Variants in FAM149B1 observed in about 807,000 individuals in gnomAD.
The protein encoded by FAM149B1 is family with sequence similarity 149 member B1, also known as primary cilium assembly protein FAM149B1.
In FAM149B1, 56 loss-of-function variants were observed where a neutral mutation model predicts 75.3. The observed-to-expected ratio is 0.74, with a 90% CI of 0.60 to 0.93. The LOEUF is 0.93. FAM149B1 is among the 40% of genes least tolerant of loss of function. FAM149B1 has a pLI of 0.00. For synonymous variants in FAM149B1, 259 were observed against 256.1 expected (o/e 1.01, Z -0.11); for missense variants, 639 against 708.4 (o/e 0.90, Z 1.11).
chr10:73,192,431 C>CA (rs1370834371), intron 3 of FAM149B1, 125 bp from the exon 4 acceptor site: 4 of 893,958 alleles, frequency 4.5e-6, no homozygotes, highest in African/African-American at 1.8e-5. Context: ...TTCGTGGAAA[C>CA]ACAGCAGTAT....
At chr10:73,233,884 T>C (rs975694129) in intron 10 of FAM149B1, among the ~76,000 whole-genome samples, 8 of 152,346 alleles carry the variant, frequency 5.3e-5, no homozygotes, top group Non-Finnish European at 7.3e-5. Context: ...GCTTATTCCA[T>C]TGACAATGAA....
At chr10:73,169,932 A>G (rs1025534166) in intron 1 of FAM149B1, among the ~76,000 whole-genome samples, 1 of 151,970 alleles carries the variant, frequency 6.6e-6, no homozygotes, top group Non-Finnish European at 1.5e-5. Context: ...GGAGCTATAT[A>G]ATTTTAGCAA....
chr10:73,178,942 A>C (rs1844090570), intron 3 of FAM149B1, among the ~76,000 whole-genome samples: 1 of 152,152 alleles, frequency 6.6e-6, no homozygotes, highest in South Asian at 2.1e-4. Context: ...TCTTGATGCA[A>C]GATGCAATAG....
chr10:73,216,529 A>G (rs1320674904), intron 7 of FAM149B1, among the ~76,000 whole-genome samples: 1 of 152,196 alleles, frequency 6.6e-6, no homozygotes. Context: ...AAACTATCAA[A>G]ATGGTGCCAG....
At chr10:73,204,640 G>A (rs559547539) in intron 5 of FAM149B1, among the ~76,000 whole-genome samples, 6 of 152,194 alleles carry the variant, frequency 3.9e-5, no homozygotes, top group African/African-American at 1.2e-4. Flanking sequence ...TAGGAAGGAA[G>A]AGAAATTTGA....
At chr10:73,176,764 T>G (rs6480678) in intron 2 of FAM149B1, among the ~76,000 whole-genome samples, 1 of 151,882 alleles carries the variant, frequency 6.6e-6, no homozygotes, top group Non-Finnish European at 1.5e-5. Context: ...CGGTGGCTCA[T>G]GCCTGTAGTC....
intron 7 of FAM149B1, among the ~76,000 whole-genome samples, chr10:73,213,652 C>T (rs2043238465): frequency 6.6e-6 from 1 of 152,046 alleles, no homozygotes; most frequent in Non-Finnish European, 1.5e-5. Flanking sequence ...GGCTTTATTT[C>T]TTGGTTTTCT....
chr10:73,228,889 G>A (rs945067904), intron 8 of FAM149B1, among the ~76,000 whole-genome samples: 3 of 151,912 alleles, frequency 2.0e-5, no homozygotes, highest in South Asian at 2.1e-4. Flanking sequence ...AGCCACCACC[G>A]CACCTGGTCC....
chr10:73,186,099 A>C (rs1015922040), intron 3 of FAM149B1, among the ~76,000 whole-genome samples: 3 of 152,078 alleles, frequency 2.0e-5, no homozygotes, highest in Admixed American at 2.0e-4. Context: ...GTGAGTAAAT[A>C]GGATTTATCC....
chr10:73,235,953 C>T (rs7912383), intron 12 of FAM149B1, among the ~76,000 whole-genome samples: 15,940 of 152,138 alleles, frequency 0.1, 1,199 homozygotes, highest in East Asian at 0.31. Context: ...TGCACTGACC[C>T]TCCCCATTTG....
intron 5 of FAM149B1, among the ~76,000 whole-genome samples, chr10:73,206,599 G>A (rs2043063567): frequency 6.6e-6 from 1 of 152,238 alleles, no homozygotes; most frequent in Non-Finnish European, 1.5e-5. Flanking sequence ...GAATGGTTCT[G>A]TGGGGCAGAC....
intron 3 of FAM149B1, among the ~76,000 whole-genome samples, chr10:73,189,132 G>A (rs2042617325): frequency 6.6e-6 from 1 of 152,144 alleles, no homozygotes; most frequent in South Asian, 2.1e-4. Context: ...CACGTAGCAT[G>A]TAGAAAGATG....
At chr10:73,228,376 A>G (rs1448247193) in intron 8 of FAM149B1, among the ~76,000 whole-genome samples, 192 bp downstream of exon 8, 1 of 152,162 alleles carries the variant, frequency 6.6e-6, no homozygotes, top group Non-Finnish European at 1.5e-5. Flanking sequence ...GAGTTGATAA[A>G]TATTTCTCAG....
chr10:73,179,933 C>G (rs954805697), intron 3 of FAM149B1, among the ~76,000 whole-genome samples: 3 of 152,020 alleles, frequency 2.0e-5, no homozygotes, highest in Admixed American at 6.6e-5. Flanking sequence ...CCCTTATTAT[C>G]TGATACTTGG....
intron 8 of FAM149B1, among the ~76,000 whole-genome samples, chr10:73,230,060 T>A (rs1291467984): frequency 6.6e-6 from 1 of 152,176 alleles, no homozygotes; most frequent in African/African-American, 2.4e-5. Context: ...AAGTTACAGT[T>A]TCCCCTTACT....
At chr10:73,240,759 T>C (rs928887020) in intron 13 of FAM149B1, among the ~76,000 whole-genome samples, 187 bp from the exon 14 acceptor site, 2 of 151,622 alleles carry the variant, frequency 1.3e-5, no homozygotes, top group African/African-American at 4.8e-5. Flanking sequence ...AACACTGAAG[T>C]GGAAGTGAGT....
intron 3 of FAM149B1, among the ~76,000 whole-genome samples, chr10:73,181,567 CTT>C (rs1336472345): frequency 1.1e-4 from 16 of 152,130 alleles, no homozygotes; most frequent in Non-Finnish European, 2.1e-4. Context: ...CAAAATTCCT[CTT>C]GTTATTAATT....
At chr10:73,195,412 C>G (rs1021271681) in intron 5 of FAM149B1, among the ~76,000 whole-genome samples, 5 of 152,134 alleles carry the variant, frequency 3.3e-5, no homozygotes, top group Non-Finnish European at 7.4e-5. Context: ...GATAAGTTTA[C>G]TCCTTTTATA....
chr10:73,196,321 AC>A (rs2042804688), intron 5 of FAM149B1, among the ~76,000 whole-genome samples: 1 of 145,122 alleles, frequency 6.9e-6, no homozygotes, highest in Admixed American at 6.8e-5. Context: ...TTTGCCCCCC[AC>A]CCTTTTTTTT....
Sources: gnomAD v4.1 joint callset for allele counts (sites outside exome capture counted in the v4.1 genomes callset) on GRCh38, gnomAD v4.1.1 for gene constraint, MANE v1.5 for transcripts, NCBI Gene and HGNC (gene_info 2026-07-23, HGNC 2026-07-21) for gene names.